The following SHISA9 variants were observed in gnomAD, a reference collection of about 807,000 sequenced individuals.
SHISA9 encodes protein shisa-9.
In SHISA9, 13 loss-of-function variants were observed where a neutral mutation model predicts 38.0. The observed-to-expected ratio is 0.34, with a 90% CI of 0.22 to 0.54. The LOEUF (loss-of-function observed/expected upper bound fraction) is 0.54, where lower values mean the gene tolerates loss of function less well. SHISA9 is among the 20% of genes least tolerant of loss of function. The pLI is 0.91. For synonymous variants in SHISA9, 275 were observed against 242.0 expected (o/e 1.14, Z -1.27); for missense variants, 538 against 575.8 (o/e 0.93, Z 0.67).
At chr16:13,374,334 G>GA in the SHISA9 span, among the ~76,000 whole-genome samples, 2 of 152,202 alleles carry the variant, frequency 1.3e-5, no homozygotes, top group Non-Finnish European at 2.9e-5. Flanking sequence ...ATCCATGACA[G>GA]ACCCCAGTGT....
At chr16:13,550,898 C>T in the SHISA9 span, among the ~76,000 whole-genome samples, 40 of 151,992 alleles carry the variant, frequency 2.6e-4, no homozygotes, top group Middle Eastern at 3.4e-3. Context: ...CCAACGTGGG[C>T]GGATCAAAAG....
rs138596590 is a variant in SHISA9, at chr16:13,105,452, G to T, written c.692-97942G>T. Among the ~76,000 whole-genome samples, 470 of 152,250 alleles carry T rather than the reference G, an allele frequency of 3.1e-3. 1 individual carries two copies. Among genetic ancestry groups the T allele is most frequent in the African/African-American group, 0.011 (451 of 41,542 alleles). ...GTCTTCTGGTCTTCCCGGGCTCCTG[G>T]GCTTCTGCTTCCTATTTTTGCAATG... On this transcript the variant is annotated intron_variant, in intron 2 of 4. Coordinates refer to ENST00000558583, the MANE Select transcript of SHISA9 (RefSeq NM_001145204.3).
At chr16:13,339,281 CTTA>C in the SHISA9 span, among the ~76,000 whole-genome samples, 2 of 151,444 alleles carry the variant, frequency 1.3e-5, no homozygotes, top group Non-Finnish European at 1.5e-5. Context: ...AGTCTTTCAC[CTTA>C]TTATTTTACA....
the SHISA9 span, among the ~76,000 whole-genome samples, chr16:13,322,568 A>C: frequency 1.3e-5 from 2 of 152,204 alleles, no homozygotes; most frequent in Non-Finnish European, 2.9e-5. Context: ...AGGGGTGCTA[A>C]GGAGGCTAGT....
chr16:13,213,142 C>G lies in SHISA9; in HGVS notation c.848-111C>G, dbSNP rs184379746. ...TCCCTGGGTCCCCTGAGGCCTGTCC[C>G]TGCTTGGAGGCTGCAGCAGGGGCAG... On this transcript the variant is annotated intron_variant, in intron 3 of 4. Transcript: ENST00000558583. 536 of 906,452 alleles carry G rather than the reference C, an allele frequency of 5.9e-4. 4 individuals carry two copies. In the African/African-American group the frequency reaches 7.5e-3, roughly 13 times the overall value. The allele number at this position is 906,452 out of a possible 1,614,324, so 56.2% of individuals were successfully genotyped here. A position where few individuals can be genotyped will look rare whatever the true frequency, so the allele number is the denominator to read the frequency against.
the SHISA9 span, among the ~76,000 whole-genome samples, chr16:13,443,606 G>A: frequency 6.6e-6 from 1 of 152,250 alleles, no homozygotes; most frequent in East Asian, 1.9e-4. Context: ...TTATGTCCTT[G>A]TAATCAATTC....
intron 2 of SHISA9, among the ~76,000 whole-genome samples, chr16:13,082,931 C>A (rs2073669673): frequency 6.6e-6 from 1 of 152,160 alleles, no homozygotes; most frequent in Admixed American, 6.5e-5. Flanking sequence ...TCCTTCATTG[C>A]CTTTTGATGT....
At chr16:13,315,722 G>A in the SHISA9 span, among the ~76,000 whole-genome samples, 1 of 152,194 alleles carries the variant, frequency 6.6e-6, no homozygotes, top group Non-Finnish European at 1.5e-5. Flanking sequence ...AGTGCCTGGT[G>A]CATAATATAG....
the SHISA9 span, among the ~76,000 whole-genome samples, chr16:13,402,088 A>T: frequency 6.6e-6 from 1 of 152,196 alleles, no homozygotes; most frequent in African/African-American, 2.4e-5. Context: ...GCACAGCCAA[A>T]CCATATAATC....
the SHISA9 span, among the ~76,000 whole-genome samples, chr16:13,561,530 C>A: frequency 6.6e-6 from 1 of 152,312 alleles, no homozygotes; most frequent in East Asian, 1.9e-4. Flanking sequence ...GGGTTTACAG[C>A]AAAATCACTT....
chr16:13,022,658 G>C (rs909455487), intron 2 of SHISA9, among the ~76,000 whole-genome samples: 1 of 151,916 alleles, frequency 6.6e-6, no homozygotes, highest in Non-Finnish European at 1.5e-5. Context: ...AAGATATGGG[G>C]GTCTCACTCT....
At chr16:13,025,550 G>A (rs1242919771) in intron 2 of SHISA9, among the ~76,000 whole-genome samples, 1 of 152,102 alleles carries the variant, frequency 6.6e-6, no homozygotes, top group African/African-American at 2.4e-5. Flanking sequence ...GGTGTGAACT[G>A]GGTTGAAATT....
At chr16:13,190,668 C>G (rs916286643) in intron 2 of SHISA9, among the ~76,000 whole-genome samples, 4 of 152,180 alleles carry the variant, frequency 2.6e-5, no homozygotes, top group African/African-American at 9.6e-5. Context: ...GGATCTGCCT[C>G]CTACCCTAGA....
chr16:13,131,986 CT>C (rs916596887), intron 2 of SHISA9, among the ~76,000 whole-genome samples: 1 of 152,170 alleles, frequency 6.6e-6, no homozygotes, highest in East Asian at 1.9e-4. Flanking sequence ...GTCCTGACAG[CT>C]TTTTTCCTGC....
At chr16:13,184,594 A>G (rs977807494) in intron 2 of SHISA9, among the ~76,000 whole-genome samples, 1 of 152,186 alleles carries the variant, frequency 6.6e-6, no homozygotes, top group East Asian at 1.9e-4. Context: ...TTGTTCCCCC[A>G]CCACCAATTC....
chr16:13,338,764 T>C, the SHISA9 span, among the ~76,000 whole-genome samples: 1 of 152,186 alleles, frequency 6.6e-6, no homozygotes, highest in Non-Finnish European at 1.5e-5. Context: ...TCCAGGTGAA[T>C]GTATAGTAAG....
intron 2 of SHISA9, among the ~76,000 whole-genome samples, chr16:13,134,872 G>A (rs113661422): frequency 3.3e-5 from 5 of 152,236 alleles, no homozygotes; most frequent in African/African-American, 9.6e-5. Context: ...TATGCTGAAG[G>A]AGCCACCCCT....
At chr16:13,553,110 C>T in the SHISA9 span, among the ~76,000 whole-genome samples, 3 of 152,090 alleles carry the variant, frequency 2.0e-5, no homozygotes, top group Admixed American at 2.0e-4. Context: ...CAAAAACACC[C>T]CTGACTGAGA....
chr16:13,299,889 G>A, the SHISA9 span, among the ~76,000 whole-genome samples: 3 of 152,074 alleles, frequency 2.0e-5, no homozygotes, highest in African/African-American at 7.2e-5. Flanking sequence ...TTTGCAAATG[G>A]CAGGTACTGG....
Sources: allele counts gnomAD v4.1 joint callset (sites outside exome capture counted in the v4.1 genomes callset), GRCh38; gene constraint gnomAD v4.1.1; transcripts MANE v1.5; gene names NCBI Gene and HGNC (gene_info 2026-07-23, HGNC 2026-07-21).